The following CWC27 variants were observed in gnomAD, a reference collection of about 807,000 sequenced individuals.
The protein encoded by CWC27 is CWC27 spliceosome associated cyclophilin, also known as spliceosome-associated protein CWC27 homolog.
In CWC27, 47 loss-of-function variants were observed where a neutral mutation model predicts 63.6. The observed-to-expected ratio is 0.74, with a 90% CI of 0.58 to 0.94. The LOEUF (loss-of-function observed/expected upper bound fraction) is 0.94. CWC27 is among the 40% of genes least tolerant of loss of function. The probability of loss-of-function intolerance (pLI) is 0.00; values close to 1 mark genes in which losing one functional copy is unlikely to be tolerated. For missense variants in CWC27, 495 were observed against 554.3 expected (o/e 0.89, Z 1.07); for synonymous variants, 175 against 179.8 (o/e 0.97, Z 0.22).
chr5:64,797,057 A>C (rs898118229), intron 7 of CWC27, among the ~76,000 whole-genome samples: 4 of 149,986 alleles, frequency 2.7e-5, no homozygotes, highest in African/African-American at 9.8e-5. Context: ...AGATAACATA[A>C]TTTTTCTGTG....
chr5:64,783,987 T>A lies in CWC27; in HGVS notation c.396+8T>A. On this transcript the variant is annotated splice_region_variant and intron_variant, in intron 4 of 13. Coordinates refer to ENST00000381070, the MANE Select transcript of CWC27 (RefSeq NM_005869.4). ...CATACCATCTTTGGAAAGGTTAGTG[T>A]CCAGTGATTTTAAACCTGTGGTTCA... The A allele has an allele frequency of 6.4e-7, 1 of 1,557,648 alleles. No homozygotes were observed. The highest frequency in any genetic ancestry group is 8.7e-7 in the Non-Finnish European group (1 of 1,155,112).
chr5:64,996,557 C>T (rs1287282464), intron 13 of CWC27, among the ~76,000 whole-genome samples: 1 of 151,112 alleles, frequency 6.6e-6, no homozygotes, highest in Non-Finnish European at 1.5e-5. Context: ...CCAAATTATA[C>T]TGGGGAAAAG....
intron 11 of CWC27, among the ~76,000 whole-genome samples, chr5:64,910,168 C>G (rs1234769229): frequency 6.6e-6 from 1 of 152,174 alleles, no homozygotes; most frequent in African/African-American, 2.4e-5. Flanking sequence ...TGTTAGTTTT[C>G]CTTCTAAGAG....
chr5:64,854,707 C>T (rs80131293), intron 10 of CWC27, among the ~76,000 whole-genome samples: 6,337 of 152,210 alleles, frequency 0.042, 165 homozygotes, highest in Non-Finnish European at 0.067. Context: ...GCTCTTCTTA[C>T]GGCTGTTACT....
At chr5:64,913,996 T>G (rs1270448201) in intron 11 of CWC27, among the ~76,000 whole-genome samples, 1 of 151,928 alleles carries the variant, frequency 6.6e-6, no homozygotes, top group East Asian at 1.9e-4. Context: ...AATAGACACG[T>G]GATATAGAAT....
intron 13 of CWC27, among the ~76,000 whole-genome samples, chr5:64,977,812 C>CA (rs147468273): frequency 7.8e-4 from 111 of 141,808 alleles, no homozygotes; most frequent in Middle Eastern, 3.6e-3. Flanking sequence ...CCTATACTGG[C>CA]AAAAAAAAAA....
At chr5:64,793,641 G>A (rs1744153503) in intron 7 of CWC27, among the ~76,000 whole-genome samples, 1 of 152,120 alleles carries the variant, frequency 6.6e-6, no homozygotes, top group Admixed American at 6.6e-5. Context: ...AATGACTGGA[G>A]CCAAAGCCAA....
At chr5:64,876,332 T>C (rs1407580419) in intron 10 of CWC27, among the ~76,000 whole-genome samples, 1 of 152,106 alleles carries the variant, frequency 6.6e-6, no homozygotes, top group African/African-American at 2.4e-5. Flanking sequence ...TACAAACAGA[T>C]TGGATATCTT....
intron 2 of CWC27, among the ~76,000 whole-genome samples, chr5:64,778,201 T>G (rs1477062825): frequency 7.1e-6 from 1 of 141,696 alleles, no homozygotes; most frequent in Non-Finnish European, 1.5e-5. Flanking sequence ...TGAATCTGTG[T>G]ATCTCAAGAT....
intron 11 of CWC27, among the ~76,000 whole-genome samples, chr5:64,935,029 A>G (rs929509855): frequency 6.6e-6 from 1 of 152,176 alleles, no homozygotes; most frequent in African/African-American, 2.4e-5. Context: ...ATAGATTGCA[A>G]AAATTCTCTC....
rs191544652 is a variant in CWC27 at position 64,825,947 on chromosome 5, G to A, written c.938+21561G>A. On this transcript the variant is annotated intron_variant, in intron 10 of 13. Transcript: ENST00000381070. Reference sequence around the variant, plus strand: ...ACTTCCCTGAAAAAGAATAAATTTCGTCTGTGAATAGTAGCTTCAGTTCAT... The same window carrying A: ...ACTTCCCTGAAAAAGAATAAATTTCATCTGTGAATAGTAGCTTCAGTTCAT... 3.3e-4 allele frequency among the ~76,000 whole-genome samples: 50 copies of A among 152,320 alleles called. No homozygotes were observed. The East Asian group carries it at 5.6e-3, about 17-fold the overall frequency.
chr5:64,887,460 G>A (rs924110669), intron 11 of CWC27, among the ~76,000 whole-genome samples: 17 of 152,084 alleles, frequency 1.1e-4, no homozygotes, highest in African/African-American at 2.9e-4. Context: ...CCCCGCCTTC[G>A]GGTTCAAGTG....
In CWC27 at chr5:64,775,290, G is replaced by A. The variant is rs1324007064; in HGVS notation, c.139+503G>A. Among the ~76,000 whole-genome samples, 6 of 152,092 alleles carry A rather than the reference G, an allele frequency of 3.9e-5. No individual in the cohort carries two copies. The East Asian group carries it at 1.2e-3, about 29-fold the overall frequency. On this transcript the variant is annotated intron_variant, in intron 2 of 13. Coordinates refer to ENST00000381070, the MANE Select transcript of CWC27 (RefSeq NM_005869.4). ...ACCAAATTTACCAATTTCTTCCCCA[G>A]TCTGCCTTTCACCTGTATGACTGTA... is the stretch of plus-strand genomic sequence containing the variant.
intron 10 of CWC27, among the ~76,000 whole-genome samples, chr5:64,848,830 G>A (rs898395767): frequency 7.9e-5 from 12 of 152,244 alleles, no homozygotes; most frequent in African/African-American, 2.2e-4. Context: ...TAGAAGGAAT[G>A]TGCCTCAACA....
intron 13 of CWC27, among the ~76,000 whole-genome samples, chr5:65,007,018 GAAAGA>G (rs1749859781): frequency 6.9e-6 from 1 of 144,090 alleles, no homozygotes; most frequent in South Asian, 2.3e-4. Flanking sequence ...AAGAAAGAAA[GAAAGA>G]AAAGAAAGAA....
At chr5:64,824,268 G>A (rs567248616) in intron 10 of CWC27, among the ~76,000 whole-genome samples, 2 of 152,170 alleles carry the variant, frequency 1.3e-5, no homozygotes, top group South Asian at 2.1e-4. Context: ...TTAAAAGAAA[G>A]CATTGGTAAT....
At chr5:64,891,470 T>C (rs1268040799) in intron 11 of CWC27, among the ~76,000 whole-genome samples, 1 of 152,224 alleles carries the variant, frequency 6.6e-6, no homozygotes, top group Non-Finnish European at 1.5e-5. Flanking sequence ...TTTAAAGGTC[T>C]GTAGCAAATA....
At chr5:64,882,743 G>A (rs188797197) in intron 10 of CWC27, among the ~76,000 whole-genome samples, 260 of 152,110 alleles carry the variant, frequency 1.7e-3, no homozygotes, top group African/African-American at 5.8e-3. Flanking sequence ...ACAGGTGCCC[G>A]CCACCCCGCC....
chr5:64,868,865 T>G (rs1298386682), intron 10 of CWC27, among the ~76,000 whole-genome samples: 1 of 152,068 alleles, frequency 6.6e-6, no homozygotes, highest in African/African-American at 2.4e-5. Context: ...GCCTTGCTGT[T>G]TCTTACCTTA....
Sources: gnomAD v4.1 joint callset for allele counts (sites outside exome capture counted in the v4.1 genomes callset) on GRCh38, gnomAD v4.1.1 for gene constraint, MANE v1.5 for transcripts, NCBI Gene and HGNC (gene_info 2026-07-23, HGNC 2026-07-21) for gene names.